The following XPO5 variants were observed in gnomAD, a reference collection of about 807,000 sequenced individuals.
XPO5 encodes the protein exportin-5.
XPO5 carries 46 observed loss-of-function variants against 160.6 expected under a neutral mutation model. The ratio of observed to expected loss-of-function variants is 0.29; its 90% CI spans 0.23 to 0.37. The LOEUF (loss-of-function observed/expected upper bound fraction) is 0.37. XPO5 is among the 10% of genes least tolerant of loss of function. The pLI is 1.00. For synonymous variants in XPO5, 537 were observed against 519.3 expected (o/e 1.03, Z -0.46); for missense variants, 1,090 against 1,463.9 (o/e 0.74, Z 4.17).
chr6:43,526,271 A>ACC (rs1341702566), intron 27 of XPO5: 2 of 364,274 alleles, frequency 5.5e-6, no homozygotes, highest in African/African-American at 4.1e-5. Context: ...ATGGGAGTTT[A>ACC]CATTCTAACA....
Position 43,523,767 on chromosome 6 carries a change from G to C in XPO5, c.*101C>G. ...TGGATCTCTTTCCAGGCTGACAGTG[G>C]TGGAAAGTGAGGTGGCAGTGCAAGA... On this transcript the variant is annotated 3_prime_UTR_variant, in exon 32 of 32. Transcript: ENST00000265351. 6.3e-7 allele frequency: 1 copy of C among 1,582,854 alleles called. No homozygotes were observed. Among genetic ancestry groups the C allele is most frequent in the Non-Finnish European group, 8.7e-7 (1 of 1,152,328 alleles).
intron 17 of XPO5, among the ~76,000 whole-genome samples, chr6:43,548,744 A>G (rs1299305205): frequency 6.6e-6 from 1 of 150,762 alleles, no homozygotes; most frequent in Non-Finnish European, 1.5e-5. Flanking sequence ...ATATATATGT[A>G]TATCTATATA....
intron 23 of XPO5, chr6:43,529,458 G>A (rs1171566910): frequency 3.1e-6 from 1 of 319,132 alleles, no homozygotes; most frequent in Non-Finnish European, 6.0e-6. Flanking sequence ...AGAAGCTAAG[G>A]CAAGAGAATG....
At chr6:43,525,554 A>G (rs1793531951) in intron 28 of XPO5, 4 of 526,004 alleles carry the variant, frequency 7.6e-6, no homozygotes, top group Non-Finnish European at 3.4e-6. Flanking sequence ...CTGTATGTGT[A>G]GGATGGAGAC....
intron 20 of XPO5, among the ~76,000 whole-genome samples, chr6:43,535,064 G>A (rs1012927493): frequency 5.9e-5 from 9 of 151,826 alleles, no homozygotes; most frequent in African/African-American, 2.2e-4. Flanking sequence ...AGGCTGAGGT[G>A]GGTGGATCAC....
chr6:43,562,703 A>AT (rs1402746611), intron 8 of XPO5, among the ~76,000 whole-genome samples: 2 of 152,168 alleles, frequency 1.3e-5, no homozygotes, highest in African/African-American at 4.8e-5. Context: ...ATGGTGTCCA[A>AT]TGCAATCTCT....
intron 20 of XPO5, among the ~76,000 whole-genome samples, chr6:43,534,976 C>T (rs1034335920): frequency 1.3e-5 from 2 of 152,032 alleles, no homozygotes; most frequent in African/African-American, 2.4e-5. Context: ...GCCTGGGCAA[C>T]AGAGTGAGAC....
rs1378885755 is a variant in XPO5, at chr6:43,534,023, A to G, written c.2343-16T>C. The G allele has an allele frequency of 1.3e-6, 2 of 1,581,092 alleles. No homozygotes were observed. Among genetic ancestry groups the G allele is most frequent in the East Asian group, 2.3e-5 (1 of 43,366 alleles). ...ATTGTGGGTTCTGAAAGAAACAAGA[A>G]TGCTATTGAGCTTTTCCATCTGATG... On this transcript the variant is annotated splice_polypyrimidine_tract_variant and intron_variant, in intron 20 of 31. Transcript: ENST00000265351.
At chr6:43,532,646 C>T (rs890437328) in intron 21 of XPO5, among the ~76,000 whole-genome samples, 1 of 152,154 alleles carries the variant, frequency 6.6e-6, no homozygotes, top group African/African-American at 2.4e-5. Flanking sequence ...TCCTCATGCC[C>T]CTAACCTAGC....
intron 11 of XPO5, 89 bp from the exon 12 acceptor site, chr6:43,558,680 T>A: frequency 1.0e-6 from 1 of 962,966 alleles, no homozygotes; most frequent in Non-Finnish European, 1.5e-6. Flanking sequence ...ACTTTTAATT[T>A]ATTTAAGAGT....
intron 20 of XPO5, among the ~76,000 whole-genome samples, chr6:43,537,013 C>T (rs1346469654): frequency 6.6e-6 from 1 of 152,134 alleles, no homozygotes; most frequent in East Asian, 1.9e-4. Flanking sequence ...ACTGCCCAGG[C>T]TGGATTGCAG....
intron 9 of XPO5, chr6:43,562,002 C>A (rs1234030154): frequency 5.9e-6 from 2 of 341,026 alleles, no homozygotes; most frequent in Non-Finnish European, 1.1e-5. Context: ...CCAACGTTGA[C>A]TTTATGGAAT....
At chr6:43,547,556 C>A (rs1582221669) in intron 19 of XPO5, 52 bp downstream of exon 19, 4 of 1,549,966 alleles carry the variant, frequency 2.6e-6, no homozygotes, top group East Asian at 4.5e-5. Context: ...AAAGACAACA[C>A]CCTACTCCTA....
chr6:43,549,473 G>C lies in XPO5; in HGVS notation c.1860+16C>G. The C allele has an allele frequency of 8.2e-6, 13 of 1,586,678 alleles. No homozygotes were observed. Among genetic ancestry groups the C allele is most frequent in the Non-Finnish European group, 1.1e-5 (13 of 1,168,530 alleles). ...TAACCAAACTTGGCTACTTCAGCCA[G>C]GGTCCAGCAGCTTACCAGCACAAGC... On this transcript the variant is annotated intron_variant, in intron 17 of 31. Coordinates refer to ENST00000265351, the MANE Select transcript of XPO5 (RefSeq NM_020750.3).
rs922366174 is a variant in XPO5 at position 43,530,389 on chromosome 6, C to T, written c.2677+299G>A. Among the ~76,000 whole-genome samples the T allele has an allele frequency of 3.3e-5, 5 of 152,088 alleles. No homozygotes were observed. The South Asian group carries it at 8.3e-4, about 25-fold the overall frequency. Reference sequence around the variant, plus strand: ...TGAGCCGAGATCATACCACTGCACTCCAGCCTGTGCAACAGAGTGAGCAAG... The same window carrying T: ...TGAGCCGAGATCATACCACTGCACTTCAGCCTGTGCAACAGAGTGAGCAAG... On this transcript the variant is annotated intron_variant, in intron 23 of 31. Coordinates refer to ENST00000265351, the MANE Select transcript of XPO5 (RefSeq NM_020750.3).
At chr6:43,574,026 C>T (rs994446678) in intron 1 of XPO5, among the ~76,000 whole-genome samples, 4 of 151,918 alleles carry the variant, frequency 2.6e-5, no homozygotes, top group Admixed American at 6.6e-5. Context: ...AACAAGGTTT[C>T]ATCATGTTGA....
intron 7 of XPO5, among the ~76,000 whole-genome samples, chr6:43,566,088 C>T (rs1384836795): frequency 6.6e-6 from 1 of 152,020 alleles, no homozygotes. Context: ...GAAACCCTGT[C>T]TCTACTAAAA....
intron 30 of XPO5, 57 bp downstream of exon 30, chr6:43,524,774 G>C: frequency 5.6e-6 from 9 of 1,606,638 alleles, no homozygotes; most frequent in Non-Finnish European, 7.7e-6. Context: ...CAAGAGACTA[G>C]GAGCAGACTG....
At chr6:43,558,256 A>G (rs541883698) in intron 12 of XPO5, among the ~76,000 whole-genome samples, 1 of 152,278 alleles carries the variant, frequency 6.6e-6, no homozygotes, top group African/African-American at 2.4e-5. Flanking sequence ...GAGCGTCTTA[A>G]GTATGGTTAC....
Sources: allele counts gnomAD v4.1 joint callset (sites outside exome capture counted in the v4.1 genomes callset), GRCh38; gene constraint gnomAD v4.1.1; transcripts MANE v1.5; gene names NCBI Gene and HGNC (gene_info 2026-07-23, HGNC 2026-07-21).